PDE2A: variants seen among roughly 807,000 people sequenced by gnomAD.
The protein encoded by PDE2A is phosphodiesterase 2A, also known as cGMP-dependent 3',5'-cyclic phosphodiesterase.
In PDE2A, 53 loss-of-function variants were observed where a neutral mutation model predicts 133.6. That is an observed-to-expected ratio of 0.40 (90% CI 0.32 to 0.50). The LOEUF (loss-of-function observed/expected upper bound fraction) is 0.50. Among genes scored for constraint, PDE2A ranks in the 20% least tolerant of loss-of-function variants. The pLI is 0.73. For missense variants in PDE2A, 796 were observed against 1,232.4 expected (o/e 0.65, Z 5.30); for synonymous variants, 491 against 490.2 (o/e 1.00, Z -0.02).
intron 2 of PDE2A, among the ~76,000 whole-genome samples, chr11:72,634,730 C>G (rs1469146368): frequency 6.6e-6 from 1 of 152,228 alleles, no homozygotes; most frequent in Non-Finnish European, 1.5e-5. Context: ...GCCTTGCACA[C>G]AGGGGAGGAC....
intron 1 of PDE2A, among the ~76,000 whole-genome samples, chr11:72,671,312 G>A (rs1254613439): frequency 6.6e-6 from 1 of 152,244 alleles, no homozygotes; most frequent in Non-Finnish European, 1.5e-5. Flanking sequence ...AGAAGTTCCT[G>A]TTGAGTGGTT....
chr11:72,656,377 C>CG (rs1012671034), intron 1 of PDE2A, among the ~76,000 whole-genome samples: 10 of 152,176 alleles, frequency 6.6e-5, no homozygotes, highest in Middle Eastern at 3.4e-3. Flanking sequence ...GTGAGGGGCT[C>CG]GGGGGGGCCC....
At chr11:72,592,834 A>C (rs1856312797) in intron 6 of PDE2A, among the ~76,000 whole-genome samples, 1 of 152,086 alleles carries the variant, frequency 6.6e-6, no homozygotes, top group South Asian at 2.1e-4. Context: ...GATGGTGTTT[A>C]AACTTAAGCT....
At chr11:72,636,959 C>G (rs1591113185) in intron 2 of PDE2A, among the ~76,000 whole-genome samples, 1 of 152,242 alleles carries the variant, frequency 6.6e-6, no homozygotes, top group African/African-American at 2.4e-5. Context: ...GCTGGGCCAG[C>G]TTTACCAGTC....
At chr11:72,637,580 T>A (rs1216161453) in intron 2 of PDE2A, among the ~76,000 whole-genome samples, 1 of 152,230 alleles carries the variant, frequency 6.6e-6, no homozygotes, top group Non-Finnish European at 1.5e-5. Flanking sequence ...ACCCTTCATA[T>A]GTCAGTCCTA....
chr11:72,588,808 G>A lies in PDE2A; in HGVS notation c.1046C>T (p.Ala349Val). The change falls in exon 13 of 31, where the codon GCC (alanine) becomes GTC (valine). Residue 349 changes from alanine to valine, a missense_variant. Coordinates refer to ENST00000334456, the MANE Select transcript of PDE2A (RefSeq NM_002599.5). Reference protein sequence around the residue: ...ATDQVVALACAFNKLEGDLFT... With the variant: ...ATDQVVALACVFNKLEGDLFT... ...CAAGTCTCCTTCTAGCTTGTTGAAGGCGCAGGCCAAGGCCACCACCTGGTC... is the reference window on the plus strand; with the variant it reads ...CAAGTCTCCTTCTAGCTTGTTGAAGACGCAGGCCAAGGCCACCACCTGGTC... The A allele has an allele frequency of 6.2e-7, 1 of 1,606,524 alleles. No individual in the cohort carries two copies. Among genetic ancestry groups the A allele is most frequent in the Non-Finnish European group, 8.5e-7 (1 of 1,174,436 alleles).
At chr11:72,671,484 C>T (rs1049399901) in intron 1 of PDE2A, among the ~76,000 whole-genome samples, 40 of 151,878 alleles carry the variant, frequency 2.6e-4, no homozygotes, top group African/African-American at 9.2e-4. Context: ...GGGAGCTCTT[C>T]CCCCCACCCC....
chr11:72,637,912 G>T (rs115156620), intron 2 of PDE2A, among the ~76,000 whole-genome samples: 218 of 152,290 alleles, frequency 1.4e-3, no homozygotes, highest in African/African-American at 5.1e-3. Context: ...GTCGGGGGAT[G>T]GGCAGAAGGA....
intron 3 of PDE2A, among the ~76,000 whole-genome samples, chr11:72,607,494 C>T (rs1269386623): frequency 6.6e-6 from 1 of 152,172 alleles, no homozygotes; most frequent in Admixed American, 6.5e-5. Context: ...CAACACACCA[C>T]CCACTTCCTA....
rs147310495 is a variant in PDE2A, at chr11:72,632,109, G to C, written c.144+10145C>G. Among the ~76,000 whole-genome samples the C allele has an allele frequency of 1.1e-3, 162 of 152,318 alleles. 1 individual carries two copies. The highest frequency in any genetic ancestry group is 3.5e-3 in the African/African-American group (147 of 41,558). On this transcript the variant is annotated intron_variant, in intron 2 of 30. Coordinates refer to ENST00000334456, the MANE Select transcript of PDE2A (RefSeq NM_002599.5). ...ATAAACAGCCTGAGGCACTCCTTCT[G>C]TGAGCTGGGGGGAGGGCACAGTCTG...
intron 1 of PDE2A, among the ~76,000 whole-genome samples, chr11:72,642,643 C>A (rs1485701527): frequency 6.6e-6 from 1 of 152,068 alleles, no homozygotes; most frequent in Non-Finnish European, 1.5e-5. Context: ...TTCCAGCTGG[C>A]CTGCTGTCAG....
chr11:72,658,906 G>A (rs1218711415), intron 1 of PDE2A, among the ~76,000 whole-genome samples: 1 of 151,826 alleles, frequency 6.6e-6, no homozygotes. Flanking sequence ...ATGTTTCCCA[G>A]GCTGGTCTCA....
chr11:72,586,149 T>C lies in PDE2A; in HGVS notation c.1103A>G (p.His368Arg). Residue 368 changes from histidine to arginine, a missense_variant, in exon 14 of 31, where the codon CAC (histidine) becomes CGC (arginine). Physicochemically the swap from His to Arg is conservative, Grantham distance 29 (BLOSUM62 0). Around this residue, in one of 7 missense-constraint regions of PDE2A, gnomAD observed 417 missense variants for 475.3 expected, o/e 0.88. Transcript: ENST00000334456. ...FTDEDEHVIQ[H>R]CFHYTSTVLT... ...CACGGTGCTGGTGTAGTGGAAGCAG[T>C]GCTGGATCACATGCTCGTCCTCGTC... The C allele has an allele frequency of 6.2e-7, 1 of 1,612,880 alleles. No individual in the cohort carries two copies. The highest frequency in any genetic ancestry group is 8.5e-7 in the Non-Finnish European group (1 of 1,179,398).
At chr11:72,642,103 T>C (rs896470156) in intron 2 of PDE2A, 151 bp downstream of exon 2, 1 of 1,162,342 alleles carries the variant, frequency 8.6e-7, no homozygotes, top group African/African-American at 1.6e-5. Flanking sequence ...CTTCAAGGGC[T>C]CTTGGTCTGC....
intron 2 of PDE2A, among the ~76,000 whole-genome samples, chr11:72,639,991 G>A (rs1858884756): frequency 1.3e-5 from 2 of 151,694 alleles, no homozygotes; most frequent in South Asian, 4.2e-4. Flanking sequence ...CACTGCCACC[G>A]CAGCACATTC....
chr11:72,627,665 C>G (rs1046749193), intron 2 of PDE2A, among the ~76,000 whole-genome samples: 1 of 152,188 alleles, frequency 6.6e-6, no homozygotes, highest in Non-Finnish European at 1.5e-5. Flanking sequence ...TGGTCTTTGT[C>G]CCAAGGGCAG....
At chr11:72,579,504 C>CAA in intron 26 of PDE2A, 30 bp downstream of exon 26, 3 of 1,556,626 alleles carry the variant, frequency 1.9e-6, no homozygotes, top group Non-Finnish European at 2.6e-6. Flanking sequence ...AGCTCCCCCT[C>CAA]AATCCCCACC....
intron 3 of PDE2A, 114 bp downstream of exon 3, chr11:72,608,548 T>C: frequency 1.6e-6 from 1 of 629,786 alleles, no homozygotes; most frequent in Non-Finnish European, 2.9e-6. Context: ...GAAAGTCCTC[T>C]GGGCAGGGAC....
At chr11:72,606,586 C>T (rs1406744135) in intron 3 of PDE2A, among the ~76,000 whole-genome samples, 2 of 152,188 alleles carry the variant, frequency 1.3e-5, no homozygotes, top group Non-Finnish European at 2.9e-5. Context: ...CAGACACCCT[C>T]TTGTTTGGCT....
Sources: gnomAD v4.1 joint callset for allele counts (sites outside exome capture counted in the v4.1 genomes callset) on GRCh38, gnomAD v4.1.1 for gene constraint, gnomAD v4.1.1 regional missense constraint, MANE v1.5 for transcripts, NCBI Gene and HGNC (gene_info 2026-07-23, HGNC 2026-07-21) for gene names.